SPHK1: variants seen among roughly 807,000 people sequenced by gnomAD.
SPHK1 encodes the protein SK 1.
Under a neutral mutation model 14.6 loss-of-function variants are expected in SPHK1, and 10 were observed. The ratio of observed to expected loss-of-function variants is 0.68; its 90% CI spans 0.42 to 1.16. SPHK1 has a LOEUF of 1.16. Among genes scored for constraint, SPHK1 ranks in the 50% most tolerant of loss-of-function variants. The pLI, the probability that SPHK1 is intolerant of heterozygous loss-of-function variation, is 0.00. For missense variants in SPHK1, 553 were observed against 525.4 expected (o/e 1.05, Z -0.51); for synonymous variants, 274 against 224.0 (o/e 1.22, Z -1.99).
In SPHK1 at chr17:76,386,872, G is replaced by C; in HGVS notation, c.441G>C (p.Leu147=). The C allele has an allele frequency of 6.2e-7, 1 of 1,605,702 alleles. No homozygotes were observed. Among genetic ancestry groups the C allele is most frequent in the Non-Finnish European group, 8.5e-7 (1 of 1,174,924 alleles). Residue 147 remains leucine, a synonymous_variant, in exon 6 of 6, where the codon CTG becomes CTC. Coordinates refer to ENST00000592299, the MANE Select transcript of SPHK1 (RefSeq NM_001142601.2). This position sits in a 1 kb window ranked among gnomAD's most constrained non-coding sequence, Gnocchi z 5.3. ...NCTLLLCRRL[L]SPMNLLSLHT... Reference sequence around the variant, plus strand: ...CGCTATTGCTGTGCCGCCGGCTGCTGTCACCCATGAACCTGCTGTCTCTGC... The same window carrying C: ...CGCTATTGCTGTGCCGCCGGCTGCTCTCACCCATGAACCTGCTGTCTCTGC...
At position 76,385,832 on chromosome 17, in the gene SPHK1, C is replaced by T; in HGVS notation, c.11-153C>T. 2.1e-6 allele frequency: 3 copies of T among 1,459,828 alleles called. No individual in the cohort carries two copies. Among genetic ancestry groups the T allele is most frequent in the Non-Finnish European group, 2.8e-6 (3 of 1,081,350 alleles). 90.4% of individuals were successfully genotyped at this position (1,459,828 alleles called of 1,614,324 possible). A position where few individuals can be genotyped will look rare whatever the true frequency, so the allele number is the denominator to read the frequency against. On this transcript the variant is annotated intron_variant, in intron 2 of 5. Transcript: ENST00000592299. This position sits in a 1 kb window ranked among gnomAD's most constrained non-coding sequence, Gnocchi z 5.3. ...AGGGGGTGGCAGGGGCGCCGCGTCC[C>T]CACCCCAGGTCTCCCAGCAAAGGCC... is the stretch of plus-strand genomic sequence containing the variant.
In SPHK1 at chr17:76,386,536, G is replaced by C. The variant is rs1383231650; in HGVS notation, c.374+28G>C. 6.3e-7 allele frequency: 1 copy of C among 1,591,912 alleles called. No homozygotes were observed. The highest frequency in any genetic ancestry group is 8.6e-7 in the Non-Finnish European group (1 of 1,166,594). ...GAGAGCCCAGGGCCAGAGTAGGCCT[G>C]TTTCCCGTCAGTGCTCCTCTACCGC... On this transcript the variant is annotated intron_variant, in intron 5 of 5. Coordinates refer to ENST00000592299, the MANE Select transcript of SPHK1 (RefSeq NM_001142601.2). This position sits in a 1 kb window ranked among gnomAD's most constrained non-coding sequence, Gnocchi z 5.3.
Position 76,387,184 on chromosome 17 carries a change from G to A in SPHK1, c.753G>A (p.Val251=). The A allele has an allele frequency of 1.2e-6, 2 of 1,613,196 alleles. No individual in the cohort carries two copies. The highest frequency in any genetic ancestry group is 1.1e-5 in the South Asian group (1 of 91,036). ...AGCCAGTGCCCTCTCACTGGACAGT[G>A]GTGCCCGACGAGGACTTTGTGCTAG... The part of the protein sequence containing the change: ...LEEPVPSHWT[V]VPDEDFVLVL... Residue 251 remains valine, a synonymous_variant, in exon 6 of 6, where the codon GTG becomes GTA. Coordinates refer to ENST00000592299, the MANE Select transcript of SPHK1 (RefSeq NM_001142601.2). This position sits in a 1 kb window ranked among gnomAD's most constrained non-coding sequence, Gnocchi z 4.1.
chr17:76,387,456 G>C lies in SPHK1; in HGVS notation c.1025G>C (p.Gly342Ala), dbSNP rs752969358. ...KDGKGVFAVD[G>A]ELMVSEAVQG... ...GGGAAAGGTGTGTTTGCAGTGGATG[G>C]GGAATTGATGGTTAGCGAGGCCGTG... Residue 342 changes from glycine to alanine, a missense_variant, in exon 6 of 6, where the codon GGG (glycine) becomes GCG (alanine). Physicochemically the swap from Gly to Ala is moderately conservative, Grantham distance 60. Transcript: ENST00000592299. The surrounding 1 kb of genome is among the most constrained non-coding windows in gnomAD (Gnocchi z 4.1). 6 of 1,613,670 alleles carry C rather than the reference G, an allele frequency of 3.7e-6. No homozygotes were observed. In the African/African-American group the frequency reaches 5.3e-5, roughly 14 times the overall value.
chr17:76,383,451 T>G, upstream of SPHK1: 2 of 180,094 alleles, frequency 1.1e-5, no homozygotes, highest in South Asian at 7.9e-5. Flanking sequence ...CGTGCCGGAG[T>G]TCAGGGCGCC....
rs1335362311 is a variant in SPHK1, at chr17:76,386,553, C to G, written c.374+45C>G. ...GTAGGCCTGTTTCCCGTCAGTGCTCCTCTACCGCGGGGGTTTTCTTGTCTA... is the reference window on the plus strand; with the variant it reads ...GTAGGCCTGTTTCCCGTCAGTGCTCGTCTACCGCGGGGGTTTTCTTGTCTA... On this transcript the variant is annotated intron_variant, in intron 5 of 5. Transcript: ENST00000592299. This position sits in a 1 kb window ranked among gnomAD's most constrained non-coding sequence, Gnocchi z 5.3. The G allele has an allele frequency of 6.5e-7, 1 of 1,546,770 alleles. No homozygotes were observed. The highest frequency in any genetic ancestry group is 1.1e-5 in the South Asian group (1 of 87,506).
chr17:76,383,348 G>A (rs1454232904), upstream of SPHK1: 3 of 153,970 alleles, frequency 1.9e-5, no homozygotes. Flanking sequence ...CGACCCGCCC[G>A]GGGACTCTCG....
chr17:76,385,685 A>AG lies in SPHK1; in HGVS notation c.10+36dup, dbSNP rs1227574791. 1 of 1,523,140 alleles carries AG rather than the reference A, an allele frequency of 6.6e-7. No individual in the cohort carries two copies. The highest frequency in any genetic ancestry group is 2.0e-5 in the Admixed American group (1 of 50,198). 94.4% of individuals were successfully genotyped at this position (1,523,140 alleles called of 1,614,324 possible). ...TGGGGTTCCTGCTGGGAAGGGCTGTAGGGGGATTCCTGTTCCTCGCCAGGA... is the reference window on the plus strand; with the variant it reads ...TGGGGTTCCTGCTGGGAAGGGCTGTAGGGGGGATTCCTGTTCCTCGCCAGGA... On this transcript the variant is annotated intron_variant, in intron 2 of 5. Coordinates refer to ENST00000592299, the MANE Select transcript of SPHK1 (RefSeq NM_001142601.2). The surrounding 1 kb of genome is among the most constrained non-coding windows in gnomAD (Gnocchi z 5.3).
chr17:76,386,880 T>TG lies in SPHK1; in HGVS notation c.450dup (p.Asn151GlufsTer26), dbSNP rs779840137. ...CTGTGCCGCCGGCTGCTGTCACCCA[T>TG]GAACCTGCTGTCTCTGCACACGGCT... On this transcript the variant is annotated frameshift_variant, in exon 6 of 6. Transcript: ENST00000592299. LOFTEE classifies it low-confidence loss of function (END_TRUNC). The surrounding 1 kb of genome is among the most constrained non-coding windows in gnomAD (Gnocchi z 5.3). 1 of 1,609,118 alleles carries TG rather than the reference T, an allele frequency of 6.2e-7. No individual in the cohort carries two copies. The highest frequency in any genetic ancestry group is 1.7e-5 in the Admixed American group (1 of 59,724).
At position 76,386,559 on chromosome 17, in the gene SPHK1, C is replaced by A; in HGVS notation, c.374+51C>A. The A allele has an allele frequency of 1.3e-6, 2 of 1,529,012 alleles. No homozygotes were observed. The highest frequency in any genetic ancestry group is 2.3e-5 in the East Asian group (1 of 43,936). 94.7% of individuals were successfully genotyped at this position (1,529,012 alleles called of 1,614,324 possible). A position where few individuals can be genotyped will look rare whatever the true frequency, so the allele number is the denominator to read the frequency against. Reference sequence around the variant, plus strand: ...CTGTTTCCCGTCAGTGCTCCTCTACCGCGGGGGTTTTCTTGTCTAAGCTCC... The same window carrying A: ...CTGTTTCCCGTCAGTGCTCCTCTACAGCGGGGGTTTTCTTGTCTAAGCTCC... On this transcript the variant is annotated intron_variant, in intron 5 of 5. Transcript: ENST00000592299. The surrounding 1 kb of genome is among the most constrained non-coding windows in gnomAD (Gnocchi z 5.3).
At position 76,387,014 on chromosome 17, in the gene SPHK1, G is replaced by C; in HGVS notation, c.583G>C (p.Gly195Arg). The change falls in exon 6 of 6, where the codon GGC becomes CGC. Residue 195 changes from glycine (G) to arginine (R), a missense_variant. Coordinates refer to ENST00000592299, the MANE Select transcript of SPHK1 (RefSeq NM_001142601.2). The surrounding 1 kb of genome is among the most constrained non-coding windows in gnomAD (Gnocchi z 4.1). ...RRLGEMRFTL[G>R]TFLRLAALRT... ...TCTGGGGGAGATGCGCTTCACTCTGGGCACCTTCCTGCGTCTGGCAGCCCT... is the reference window on the plus strand; with the variant it reads ...TCTGGGGGAGATGCGCTTCACTCTGCGCACCTTCCTGCGTCTGGCAGCCCT... The C allele has an allele frequency of 6.2e-7, 1 of 1,613,624 alleles. No homozygotes were observed. Among genetic ancestry groups the C allele is most frequent in the Non-Finnish European group, 8.5e-7 (1 of 1,179,992 alleles).
chr17:76,383,937 C>T, upstream of SPHK1: 3 of 1,156,430 alleles, frequency 2.6e-6, no homozygotes, highest in Non-Finnish European at 3.3e-6. Context: ...GGCCTGTCGC[C>T]TGCTCTACCC....
chr17:76,387,694 G>A lies in SPHK1; in HGVS notation c.*108G>A. ...TGTGGGGGTGGAGGAGACTCCTCTG[G>A]AGAAGGGTGAGAAGGTGGAGGCTAT... On this transcript the variant is annotated 3_prime_UTR_variant, in exon 6 of 6. Transcript: ENST00000592299. This position sits in a 1 kb window ranked among gnomAD's most constrained non-coding sequence, Gnocchi z 4.1. The A allele has an allele frequency of 8.3e-7, 1 of 1,199,842 alleles. No individual in the cohort carries two copies. Among genetic ancestry groups the A allele is most frequent in the South Asian group, 1.6e-5 (1 of 62,576 alleles). 74.3% of individuals were successfully genotyped at this position (1,199,842 alleles called of 1,614,324 possible). A position where few individuals can be genotyped will look rare whatever the true frequency, so the allele number is the denominator to read the frequency against.
chr17:76,386,029 G>A lies in SPHK1; in HGVS notation c.55G>A (p.Val19Met). ...GVLPRPCRVL[V>M]LLNPRGGKGK... ...GCTCCCGCGGCCCTGCCGCGTGCTG[G>A]TGCTGCTGAACCCGCGCGGCGGCAA... The change falls in exon 3 of 6, where the codon GTG becomes ATG. Residue 19 changes from valine to methionine, a missense_variant. Val to Met is a conservative substitution (Grantham distance 21, BLOSUM62 1). Coordinates refer to ENST00000592299, the MANE Select transcript of SPHK1 (RefSeq NM_001142601.2). The surrounding 1 kb of genome is among the most constrained non-coding windows in gnomAD (Gnocchi z 5.3). 6.2e-7 allele frequency: 1 copy of A among 1,606,908 alleles called. No homozygotes were observed. The highest frequency in any genetic ancestry group is 8.5e-7 in the Non-Finnish European group (1 of 1,176,442).
rs369937899 is a variant in SPHK1, at chr17:76,387,302, C to A, written c.871C>A (p.Arg291=). Reference sequence around the variant, plus strand: ...TGGCGTCATGCATCTGTTCTACGTGCGGGCGGGAGTGTCTCGTGCCATGCT... The same window carrying A: ...TGGCGTCATGCATCTGTTCTACGTGAGGGCGGGAGTGTCTCGTGCCATGCT... ...AAGVMHLFYV[R]AGVSRAMLLR... is the part of the protein sequence containing the mutation. Residue 291 remains arginine, a synonymous_variant, in exon 6 of 6, where the codon CGG becomes AGG. Coordinates refer to ENST00000592299, the MANE Select transcript of SPHK1 (RefSeq NM_001142601.2). This position sits in a 1 kb window ranked among gnomAD's most constrained non-coding sequence, Gnocchi z 4.1. The A allele has an allele frequency of 1.2e-6, 2 of 1,613,644 alleles. No homozygotes were observed. Among genetic ancestry groups the A allele is most frequent in the Admixed American group, 3.3e-5 (2 of 60,000 alleles).
In SPHK1 at chr17:76,386,863, C is replaced by A. The variant is rs1159080852; in HGVS notation, c.432C>A (p.Arg144=). ...CCAACTGCACGCTATTGCTGTGCCG[C>A]CGGCTGCTGTCACCCATGAACCTGC... ...LLTNCTLLLC[R]RLLSPMNLLS... is the part of the protein sequence containing the mutation. Residue 144 remains arginine, a synonymous_variant, in exon 6 of 6, where the codon CGC becomes CGA. Transcript: ENST00000592299. This position sits in a 1 kb window ranked among gnomAD's most constrained non-coding sequence, Gnocchi z 5.3. 3.1e-6 allele frequency: 5 copies of A among 1,600,096 alleles called. No homozygotes were observed. Among genetic ancestry groups the A allele is most frequent in the Middle Eastern group, 1.7e-4 (1 of 6,002 alleles).
In SPHK1 at chr17:76,385,500, G is replaced by T; in HGVS notation, c.-145G>T. ...CCGGTGCTCCTGCAGCCACGGCTCC[G>T]GGCGGGGAAGGCGAGCCCCACAGCC... On this transcript the variant is annotated 5_prime_UTR_variant, in exon 2 of 6. Coordinates refer to ENST00000592299, the MANE Select transcript of SPHK1 (RefSeq NM_001142601.2). The surrounding 1 kb of genome is among the most constrained non-coding windows in gnomAD (Gnocchi z 5.3). The T allele has an allele frequency of 6.4e-7, 1 of 1,554,338 alleles. No homozygotes were observed. The highest frequency in any genetic ancestry group is 8.6e-7 in the Non-Finnish European group (1 of 1,157,864).
rs1158756942 is a variant in SPHK1, at chr17:76,386,617, C to T, written c.374+109C>T. ...TGAGATCATTTCCATTTCCCCTTCTCCCTTAGTCCTGGGGCCCTCTCCTGG... is the reference window on the plus strand; with the variant it reads ...TGAGATCATTTCCATTTCCCCTTCTTCCTTAGTCCTGGGGCCCTCTCCTGG... On this transcript the variant is annotated intron_variant, in intron 5 of 5. Coordinates refer to ENST00000592299, the MANE Select transcript of SPHK1 (RefSeq NM_001142601.2). The surrounding 1 kb of genome is among the most constrained non-coding windows in gnomAD (Gnocchi z 5.3). 5 of 1,245,724 alleles carry T rather than the reference C, an allele frequency of 4.0e-6. No homozygotes were observed. Among genetic ancestry groups the T allele is most frequent in the Non-Finnish European group, 5.5e-6 (5 of 904,904 alleles). The allele number at this position is 1,245,724 out of a possible 1,614,324, so 77.2% of individuals were successfully genotyped here.
Position 76,385,925 on chromosome 17 carries a change from T to G in SPHK1, c.11-60T>G, listed in dbSNP as rs760692295. On this transcript the variant is annotated intron_variant, in intron 2 of 5. Coordinates refer to ENST00000592299, the MANE Select transcript of SPHK1 (RefSeq NM_001142601.2). This position sits in a 1 kb window ranked among gnomAD's most constrained non-coding sequence, Gnocchi z 5.3. ...AAGTTCCCACACTAGTGCCCCATTG[T>G]TACCCGTGGCCCCCTAGTGGTCGGT... The G allele has an allele frequency of 6.5e-7, 1 of 1,542,700 alleles. No homozygotes were observed. Among genetic ancestry groups the G allele is most frequent in the South Asian group, 1.2e-5 (1 of 83,696 alleles).
Sources: allele counts gnomAD v4.1 joint callset, GRCh38; gene constraint gnomAD v4.1.1; non-coding constraint Gnocchi (gnomAD v3.1); transcripts MANE v1.5; gene names NCBI Gene and HGNC (gene_info 2026-07-23, HGNC 2026-07-21).